The following SH2D3A variants were observed in gnomAD, a reference collection of about 807,000 sequenced individuals.
SH2D3A encodes the protein SH2 domain-containing protein 3A.
A neutral mutation model predicts 50.6 loss-of-function variants in SH2D3A; 46 were observed. The ratio of observed to expected loss-of-function variants is 0.91; its 90% CI spans 0.72 to 1.16. The LOEUF (loss-of-function observed/expected upper bound fraction) is 1.16, where lower values mean the gene tolerates loss of function less well. Among genes scored for constraint, SH2D3A ranks in the 50% most tolerant of loss-of-function variants. The pLI is 0.00. For missense variants in SH2D3A, 783 were observed against 786.2 expected (o/e 1.00, Z 0.05); for synonymous variants, 377 against 348.4 (o/e 1.08, Z -0.91).
In SH2D3A at chr19:6,753,531, G is replaced by C; in HGVS notation, c.1495C>G (p.Arg499Gly). 6.4e-7 allele frequency: 1 copy of C among 1,563,900 alleles called. No homozygotes were observed. Among genetic ancestry groups the C allele is most frequent in the South Asian group, 1.2e-5 (1 of 85,410 alleles). ...ATGTGACGCGCCCCGTGCAGGGTGCGCAACAGCCGCTCACAGCTCTCGTCC... is the reference window on the plus strand; with the variant it reads ...ATGTGACGCGCCCCGTGCAGGGTGCCCAACAGCCGCTCACAGCTCTCGTCC... Reference protein sequence around the residue: ...PLDESCERLLRTLHGARHMVR... With the variant: ...PLDESCERLLGTLHGARHMVR... Residue 499 changes from arginine to glycine, a missense_variant, in exon 9 of 10, where the codon CGC becomes GGC. Transcript: ENST00000245908.
intron 4 of SH2D3A, 52 bp from the exon 5 acceptor site, chr19:6,755,367 A>T: frequency 7.6e-7 from 1 of 1,320,508 alleles, no homozygotes; most frequent in Non-Finnish European, 1.0e-6. Flanking sequence ...AGATTGCTGA[A>T]TGGGCGGGGG....
chr19:6,754,157 G>A lies in SH2D3A; in HGVS notation c.1279C>T (p.Arg427Trp), dbSNP rs146711285. The stretch of plus-strand genomic sequence containing the variant: ...AGCTGGCGCCACGTGTGCTCCAACC[G>A]GGACACCTGGGAGAAGAGATCTGAG... ...MGALLMPQVS[R>W]LEHTWRQLRR... The change falls in exon 8 of 10, where the codon CGG becomes TGG. Residue 427 changes from arginine (R) to tryptophan (W), a missense_variant. Coordinates refer to ENST00000245908, the MANE Select transcript of SH2D3A (RefSeq NM_005490.3). 135 of 1,612,566 alleles carry A rather than the reference G, an allele frequency of 8.4e-5. No individual in the cohort carries two copies. Among genetic ancestry groups the A allele is most frequent in the Non-Finnish European group, 1.1e-4 (125 of 1,179,516 alleles).
At chr19:6,755,940 A>T (rs1270615401) in intron 4 of SH2D3A, among the ~76,000 whole-genome samples, 1 of 151,308 alleles carries the variant, frequency 6.6e-6, no homozygotes, top group Middle Eastern at 3.2e-3. Flanking sequence ...TTAGCTGGGC[A>T]TGGTGGCATG....
Position 6,752,293 on chromosome 19 carries a change from A to C in SH2D3A, c.*300T>G, listed in dbSNP as rs562655959. 2.1e-4 allele frequency: 62 copies of C among 300,108 alleles called. No individual in the cohort carries two copies. The highest frequency in any genetic ancestry group is 3.1e-4 in the Non-Finnish European group (51 of 164,176). The allele number at this position is 300,108 out of a possible 1,614,324, so 18.6% of individuals were successfully genotyped here. ...CGGCCTCCCAAAGTGCTGAGATTACAGGCCTGAGCTGCTGTATGGCTATGA... is the reference window on the plus strand; with the variant it reads ...CGGCCTCCCAAAGTGCTGAGATTACCGGCCTGAGCTGCTGTATGGCTATGA... On this transcript the variant is annotated 3_prime_UTR_variant, in exon 10 of 10. Coordinates refer to ENST00000245908, the MANE Select transcript of SH2D3A (RefSeq NM_005490.3).
rs373630114 is a variant in SH2D3A, at chr19:6,753,448, A to G, written c.1570+8T>C. 2.0e-6 allele frequency: 3 copies of G among 1,494,656 alleles called. No homozygotes were observed. Among genetic ancestry groups the G allele is most frequent in the Admixed American group, 4.4e-5 (2 of 45,206 alleles). 92.6% of individuals were successfully genotyped at this position (1,494,656 alleles called of 1,614,324 possible). On this transcript the variant is annotated splice_region_variant and intron_variant, in intron 9 of 9. Coordinates refer to ENST00000245908, the MANE Select transcript of SH2D3A (RefSeq NM_005490.3). ...AAGTCTGCAGTCCAGCGCAGAGGGA[A>G]CGCTCACCTCGCAGGCGCTGGGCTG...
chr19:6,761,108 G>T, intron 2 of SH2D3A, 121 bp from the exon 3 acceptor site: 1 of 772,790 alleles, frequency 1.3e-6, no homozygotes. Context: ...AACTTCTGTG[G>T]CAGGCAAAGA....
intron 2 of SH2D3A, chr19:6,761,198 T>C (rs1969999122): frequency 7.0e-6 from 4 of 571,650 alleles, no homozygotes; most frequent in Non-Finnish European, 1.2e-5. Context: ...CCCTTGCGGC[T>C]AGGGTTGTCA....
At chr19:6,761,965 C>CAAA (rs759411762) in intron 2 of SH2D3A, among the ~76,000 whole-genome samples, 33 of 101,612 alleles carry the variant, frequency 3.2e-4, no homozygotes, top group African/African-American at 7.6e-4. Context: ...AAAAAAAAAA[C>CAAA]AAAAAAAAAA....
chr19:6,759,500 G>T, intron 4 of SH2D3A, 94 bp downstream of exon 4: 1 of 1,033,684 alleles, frequency 9.7e-7, no homozygotes. Context: ...AAGAAATTGA[G>T]GCTCGAAGAG....
At position 6,759,593 on chromosome 19, in the gene SH2D3A, C is replaced by T. The variant is rs750436428; in HGVS notation, c.496+1G>A. On this transcript the variant is annotated splice_donor_variant, in intron 4 of 9. Transcript: ENST00000245908. LOFTEE classifies it high-confidence loss of function. Reference sequence around the variant, plus strand: ...CACAGGCCATTCTAGCAGACACTTACCCATCCCAGCGGGGTCTTCTCTTGA... The same window carrying T: ...CACAGGCCATTCTAGCAGACACTTATCCATCCCAGCGGGGTCTTCTCTTGA... The T allele has an allele frequency of 1.2e-6, 2 of 1,613,788 alleles. No individual in the cohort carries two copies. Among genetic ancestry groups the T allele is most frequent in the Non-Finnish European group, 1.7e-6 (2 of 1,179,762 alleles).
chr19:6,760,083 A>C (rs576111039), intron 3 of SH2D3A, among the ~76,000 whole-genome samples: 2 of 151,214 alleles, frequency 1.3e-5, no homozygotes, highest in Admixed American at 1.3e-4. Context: ...TACTAAAAAT[A>C]CAAAAAATTA....
chr19:6,762,737 T>G (rs1336503878), intron 2 of SH2D3A, among the ~76,000 whole-genome samples: 1 of 150,980 alleles, frequency 6.6e-6, no homozygotes, highest in Non-Finnish European at 1.5e-5. Context: ...CAGACTGGTT[T>G]GGAACTCCTG....
At chr19:6,755,340 A>C in intron 4 of SH2D3A, 25 bp from the exon 5 acceptor site, 2 of 1,459,986 alleles carry the variant, frequency 1.4e-6, no homozygotes, top group Non-Finnish European at 1.8e-6. Context: ...AGAGGGGTCA[A>C]TGGGAATACA....
In SH2D3A at chr19:6,755,049, C is replaced by A. The variant is rs753302339; in HGVS notation, c.763G>T (p.Ala255Ser). ...TCCTCCTCGGCCTCCCACCATGGGG[C>A]CTCTGGCTCTGGGCAGCTTTGGCTC... ...SPSQSCPEPE[A>S]PWWEAEEDEE... The change falls in exon 5 of 10, where the codon GCC becomes TCC. Residue 255 changes from alanine to serine, a missense_variant. Ala to Ser is a moderately conservative substitution (Grantham distance 99). Transcript: ENST00000245908. The A allele has an allele frequency of 2.2e-5, 36 of 1,613,766 alleles. No individual in the cohort carries two copies. The highest frequency in any genetic ancestry group is 1.6e-4 in the Middle Eastern group (1 of 6,082).
chr19:6,753,047 C>T (rs1969408224), intron 9 of SH2D3A: 1 of 985,176 alleles, frequency 1.0e-6, no homozygotes, highest in Non-Finnish European at 1.2e-6. Context: ...TGGGGCTGCC[C>T]CGAGGACGGG....
intron 8 of SH2D3A, 62 bp from the exon 9 acceptor site, chr19:6,753,703 G>A: frequency 7.0e-7 from 1 of 1,432,404 alleles, no homozygotes. Context: ...GGCAGAGGTG[G>A]AACCTAGGAC....
chr19:6,762,804 C>T (rs1168830466), intron 2 of SH2D3A, among the ~76,000 whole-genome samples: 1 of 151,538 alleles, frequency 6.6e-6, no homozygotes, highest in Non-Finnish European at 1.5e-5. Context: ...CAGGCATGAG[C>T]CAACATGCCT....
At chr19:6,758,281 T>G (rs1969811459) in intron 4 of SH2D3A, 1 of 153,992 alleles carries the variant, frequency 6.5e-6, no homozygotes, top group Admixed American at 6.6e-5. Context: ...CACCCTTCCC[T>G]TACTGTTTTT....
At chr19:6,755,994 A>T (rs1434536268) in intron 4 of SH2D3A, among the ~76,000 whole-genome samples, 1 of 150,808 alleles carries the variant, frequency 6.6e-6, no homozygotes, top group Admixed American at 6.6e-5. Context: ...TGGGAGGATC[A>T]CTTGAGCCAG....
Sources: gnomAD v4.1 joint callset for allele counts (sites outside exome capture counted in the v4.1 genomes callset) on GRCh38, gnomAD v4.1.1 for gene constraint, MANE v1.5 for transcripts, NCBI Gene and HGNC (gene_info 2026-07-23, HGNC 2026-07-21) for gene names.